Variants in DENND4A observed in about 807,000 individuals in gnomAD.
DENND4A encodes the protein DENN domain containing 4A, also known as C-myc promoter-binding protein.
DENND4A carries 70 observed loss-of-function variants against 199.3 expected under a neutral mutation model. The ratio of observed to expected loss-of-function variants is 0.35; its 90% CI spans 0.29 to 0.43. The LOEUF is 0.43. Ranked by LOEUF, DENND4A falls within the 20% of genes least tolerant of loss-of-function variation. The pLI is 1.00. For synonymous variants in DENND4A, 686 were observed against 766.9 expected (o/e 0.89, Z 1.74); for missense variants, 1,723 against 2,255.8 (o/e 0.76, Z 4.78).
chr15:65,760,948 G>C (rs1343571126), intron 2 of DENND4A, among the ~76,000 whole-genome samples: 1 of 152,026 alleles, frequency 6.6e-6, no homozygotes, highest in African/African-American at 2.4e-5. Context: ...TATTTAATAA[G>C]TTTTTTTGAG....
intron 4 of DENND4A, 23 bp from the exon 5 acceptor site, chr15:65,741,807 ATC>A: frequency 6.3e-7 from 1 of 1,583,138 alleles, no homozygotes. Context: ...AAATAGAAAT[ATC>A]ATTTAATTTT....
At chr15:65,783,016 A>G (rs1055779419) in intron 1 of DENND4A, among the ~76,000 whole-genome samples, 1 of 151,658 alleles carries the variant, frequency 6.6e-6, no homozygotes, top group Non-Finnish European at 1.5e-5. Context: ...AAACACATCT[A>G]AAGCTAAAGA....
intron 15 of DENND4A, among the ~76,000 whole-genome samples, chr15:65,704,075 C>T (rs2074965234): frequency 6.6e-6 from 1 of 152,012 alleles, no homozygotes; most frequent in Non-Finnish European, 1.5e-5. Context: ...AGTAATGATT[C>T]AATGTTGAGT....
intron 13 of DENND4A, among the ~76,000 whole-genome samples, chr15:65,716,859 C>T (rs944274934): frequency 4.6e-5 from 7 of 152,002 alleles, no homozygotes; most frequent in Admixed American, 4.6e-4. Flanking sequence ...TACAGTCCCA[C>T]CAACAGTGTA....
In DENND4A at chr15:65,661,906, G is replaced by A; in HGVS notation, c.5669C>T (p.Pro1890Leu). ...QVKSTHNCDR[P>L]PSTGVMECRK... is the part of the protein sequence containing the mutation. The stretch of plus-strand genomic sequence containing the variant: ...ACATTCCATCACCCCTGTACTTGGT[G>A]GTCTATCACAGTTGTGTGTACTCTT... The change falls in exon 33 of 33, where the codon CCA (proline) becomes CTA (leucine). Residue 1890 changes from proline to leucine, a missense_variant. Transcript: ENST00000443035. 1 of 1,612,852 alleles carries A rather than the reference G, an allele frequency of 6.2e-7. No homozygotes were observed. The highest frequency in any genetic ancestry group is 8.5e-7 in the Non-Finnish European group (1 of 1,179,404).
rs112796084 is a variant in DENND4A at position 65,771,912 on chromosome 15, C to G, written c.-101-10474G>C. On this transcript the variant is annotated intron_variant, in intron 1 of 32. Transcript: ENST00000443035. ...GTGCATGGTTTTTGTCTGGATGAAACTTCAAAGCAAGCTTTCTATAAGCTT... is the reference window on the plus strand; with the variant it reads ...GTGCATGGTTTTTGTCTGGATGAAAGTTCAAAGCAAGCTTTCTATAAGCTT... 1.9e-4 allele frequency: 301 copies of G among 1,611,590 alleles called. 1 individual carries two copies. In the African/African-American group the frequency reaches 3.5e-3, roughly 19 times the overall value.
At position 65,661,695 on chromosome 15, in the gene DENND4A, T is replaced by G. The variant is rs1478259727; in HGVS notation, c.*156A>C. On this transcript the variant is annotated 3_prime_UTR_variant, in exon 33 of 33. Coordinates refer to ENST00000443035, the MANE Select transcript of DENND4A (RefSeq NM_001320835.1). The stretch of plus-strand genomic sequence containing the variant: ...TTTCTCCCCACTTGTCACTATTCTC[T>G]TCTTCAAACATTCTGTACATAAGCT... 1 of 568,938 alleles carries G rather than the reference T, an allele frequency of 1.8e-6. No individual in the cohort carries two copies. Among genetic ancestry groups the G allele is most frequent in the African/African-American group, 1.9e-5 (1 of 52,650 alleles). 35.2% of individuals were successfully genotyped at this position (568,938 alleles called of 1,614,324 possible).
intron 1 of DENND4A, among the ~76,000 whole-genome samples, chr15:65,786,976 A>T (rs1405974876): frequency 6.6e-6 from 1 of 152,234 alleles, no homozygotes; most frequent in African/African-American, 2.4e-5. Flanking sequence ...CAAGAAAAGT[A>T]TAAAGTTCTA....
intron 3 of DENND4A, among the ~76,000 whole-genome samples, chr15:65,755,320 C>T (rs1335646345): frequency 1.3e-5 from 2 of 152,088 alleles, no homozygotes; most frequent in African/African-American, 4.8e-5. Flanking sequence ...GTGATGGTTG[C>T]AAAACTCTGA....
intron 32 of DENND4A, 81 bp downstream of exon 32, chr15:65,664,249 G>T: frequency 1.3e-6 from 1 of 787,036 alleles, no homozygotes. Flanking sequence ...TACTAATAAA[G>T]TATAACTACT....
At chr15:65,696,285 G>A in intron 22 of DENND4A, 81 bp downstream of exon 22, 1 of 1,494,496 alleles carries the variant, frequency 6.7e-7, no homozygotes. Context: ...GGAGAATTAA[G>A]ACTATTAAAA....
chr15:65,671,280 G>T (rs2076207367), intron 25 of DENND4A, among the ~76,000 whole-genome samples: 1 of 152,190 alleles, frequency 6.6e-6, no homozygotes, highest in Non-Finnish European at 1.5e-5. Context: ...ATAGAAATAA[G>T]TTAGTATGAC....
intron 1 of DENND4A, among the ~76,000 whole-genome samples, chr15:65,774,824 TA>T (rs36084809): frequency 0.2 from 29,152 of 148,942 alleles, 3,860 homozygotes; most frequent in East Asian, 0.73. Flanking sequence ...TTGCTTTTTT[TA>T]AAAAAAAATT....
chr15:65,748,219 A>G (rs918638226), intron 4 of DENND4A, among the ~76,000 whole-genome samples: 2 of 152,060 alleles, frequency 1.3e-5, no homozygotes, highest in African/African-American at 4.8e-5. Flanking sequence ...AGGACACTGT[A>G]AATATCTGCT....
At chr15:65,757,396 A>G (rs987884740) in intron 2 of DENND4A, among the ~76,000 whole-genome samples, 1 of 151,902 alleles carries the variant, frequency 6.6e-6, no homozygotes, top group African/African-American at 2.4e-5. Context: ...CTTGTGTTTT[A>G]GAAGGCATTA....
chr15:65,696,922 A>G (rs901998656), intron 21 of DENND4A: 1 of 318,012 alleles, frequency 3.1e-6, no homozygotes, highest in African/African-American at 2.2e-5. Context: ...TCATGCTCAT[A>G]AACTACAAAA....
intron 3 of DENND4A, among the ~76,000 whole-genome samples, chr15:65,754,882 C>T (rs769051724): frequency 2.3e-4 from 35 of 152,142 alleles, no homozygotes; most frequent in Admixed American, 1.4e-3. Context: ...ATTACCATTA[C>T]GATCCAGCAA....
At chr15:65,669,728 A>C in intron 27 of DENND4A, 51 bp downstream of exon 27, 1 of 1,466,624 alleles carries the variant, frequency 6.8e-7, no homozygotes. Context: ...TACTTCTAAA[A>C]TATGTGTAAA....
chr15:65,703,345 T>C (rs1293569589), intron 15 of DENND4A, among the ~76,000 whole-genome samples: 2 of 152,222 alleles, frequency 1.3e-5, no homozygotes, highest in Non-Finnish European at 2.9e-5. Context: ...TTAGATAATA[T>C]GACAGTTGGT....
Sources: allele counts gnomAD v4.1 joint callset (sites outside exome capture counted in the v4.1 genomes callset), GRCh38; gene constraint gnomAD v4.1.1; transcripts MANE v1.5; gene names NCBI Gene and HGNC (gene_info 2026-07-23, HGNC 2026-07-21).